Variants in G6PD observed in about 807,000 individuals in gnomAD.
The protein encoded by G6PD is glucose-6-phosphate dehydrogenase.
Under a neutral mutation model 38.2 loss-of-function variants are expected in G6PD, and 2 were observed. The ratio of observed to expected loss-of-function variants is 0.05; its 90% confidence interval spans 0.02 to 0.16. The LOEUF is 0.16. G6PD is among the 10% of genes least tolerant of loss of function. The pLI is 1.00. For missense variants in G6PD, 310 were observed against 471.6 expected, an observed-to-expected ratio of 0.66 and a Z score of 3.17; for synonymous variants, 188 against 196.0, an observed-to-expected ratio of 0.96 and a Z score of 0.34.
At chrX:154,546,646 T>C (rs1391329083) in intron 1 of G6PD, 143 bp downstream of exon 1, 59 of 507,683 alleles carry the variant, frequency 1.2e-4, no homozygotes, top group Non-Finnish European at 5.9e-5. Flanking sequence ...AGAGAGGAGG[T>C]GCGGGGTATA....
At chrX:154,536,982 A>G (rs1248193695) in intron 2 of G6PD, among the ~76,000 whole-genome samples, 1 of 112,814 alleles carries the variant, frequency 8.9e-6, no homozygotes, top group African/African-American at 3.2e-5. Context: ...ACGAATAGAA[A>G]CAGACAACCC....
intron 2 of G6PD, chrX:154,542,220 C>T (rs1334508057): frequency 1.1e-6 from 1 of 913,140 alleles, no homozygotes; most frequent in Non-Finnish European, 1.5e-6. Context: ...TCATCCCTCC[C>T]ACAGGCCCAT....
chrX:154,539,156 G>A (rs1461355014), intron 2 of G6PD, among the ~76,000 whole-genome samples: 2 of 111,548 alleles, frequency 1.8e-5, no homozygotes, highest in Non-Finnish European at 3.8e-5. Context: ...CCTGTGACCT[G>A]GCCGTTCCAC....
At chrX:154,533,226 A>C in intron 8 of G6PD, 98 bp from the exon 9 acceptor site, 5 of 994,230 alleles carry the variant, frequency 5.0e-6, no homozygotes, top group South Asian at 4.0e-5. Flanking sequence ...GGGCAGGAGG[A>C]GGCCCCTGCT....
At chrX:154,545,836 C>CAA (rs781893284) in intron 2 of G6PD, 200 bp downstream of exon 2, 1,434 of 279,569 alleles carry the variant, frequency 5.1e-3, no homozygotes, top group African/African-American at 6.8e-3. Flanking sequence ...ACTCCGTCTC[C>CAA]AAAAAAAAAA....
rs375189502 is a variant in G6PD, at chrX:154,535,212, G to A, written c.441C>T (p.Tyr147=). ...LFYLALPPTV[Y]EAVTKNIHES... is the part of the protein sequence containing the mutation. ...CGTGAATGTTCTTGGTGACGGCCTC[G>A]TAGACGGTCGGGGGCAAGGCCAGGT... Residue 147 remains tyrosine, a synonymous_variant, in exon 5 of 13, where the codon TAC becomes TAT. Coordinates refer to ENST00000393562, the MANE Select transcript of G6PD (RefSeq NM_001360016.2). 5.8e-6 allele frequency: 7 copies of A among 1,211,757 alleles called. No individual in the cohort carries two copies. Among genetic ancestry groups the A allele is most frequent in the South Asian group, 5.3e-5 (3 of 56,980 alleles).
At chrX:154,536,591 T>C (rs1227189070) in intron 2 of G6PD, among the ~76,000 whole-genome samples, 4 of 112,106 alleles carry the variant, frequency 3.6e-5, no homozygotes, top group Non-Finnish European at 7.5e-5. Context: ...TCCCAGCACT[T>C]TGGGAGGCTG....
chrX:154,537,180 CT>C (rs1191286289), intron 2 of G6PD, among the ~76,000 whole-genome samples: 1 of 111,789 alleles, frequency 8.9e-6, no homozygotes, highest in Non-Finnish European at 1.9e-5. Context: ...TGGCGGGTGT[CT>C]GTAGTCCCAG....
rs2070392749 is a variant in G6PD at position 154,535,174 on chromosome X, C to T, written c.479G>A (p.Ser160Asn). The T allele has an allele frequency of 8.3e-7, 1 of 1,210,417 alleles. No individual in the cohort carries two copies. Among genetic ancestry groups the T allele is most frequent in the Non-Finnish European group, 1.1e-6 (1 of 895,009 alleles). The change falls in exon 5 of 13, where the codon AGC becomes AAC. Residue 160 changes from serine (S) to asparagine (N), a missense_variant. Around this residue, in one of 4 missense-constraint regions of G6PD, gnomAD observed 96 missense variants for 93.3 expected, o/e 1.03. Transcript: ENST00000393562. ...VTKNIHESCMSQIGWNRIIVE... is the reference protein window; with the variant it reads ...VTKNIHESCMNQIGWNRIIVE... ...GGGCAACGGCAAGCCTTACATCTGG[C>T]TCATGCAGGACTCGTGAATGTTCTT...
intron 5 of G6PD, 52 bp from the exon 6 acceptor site, chrX:154,534,548 G>A (rs2070384118): frequency 1.7e-6 from 2 of 1,191,504 alleles, no homozygotes; most frequent in African/African-American, 3.5e-5. Context: ...TTCGGGGAGT[G>A]AGGATCAGAG....
chrX:154,532,912 G>C (rs1557229812), intron 9 of G6PD, 30 bp downstream of exon 9: 1 of 1,210,482 alleles, frequency 8.3e-7, no homozygotes, highest in Non-Finnish European at 1.1e-6. Context: ...GCCCAGTTCT[G>C]CCTTGCTGGG....
chrX:154,546,789 C>T lies in G6PD; in HGVS notation c.-9G>A. 8.6e-7 allele frequency: 1 copy of T among 1,162,050 alleles called. No homozygotes were observed. On this transcript the variant is annotated splice_region_variant and 5_prime_UTR_variant, in exon 1 of 13. Transcript: ENST00000393562. Reference sequence around the variant, plus strand: ...GCGCGGCGCCCGCCCGGCCGGTTACCTGCGCTTCGTCGTCGTCGCCCTCCG... The same window carrying T: ...GCGCGGCGCCCGCCCGGCCGGTTACTTGCGCTTCGTCGTCGTCGCCCTCCG...
Position 154,535,267 on chromosome X carries a change from T to G in G6PD, c.386A>C (p.His129Pro), listed in dbSNP as rs782402416. 3.3e-6 allele frequency: 4 copies of G among 1,209,970 alleles called. No individual in the cohort carries two copies. In the African/African-American group the frequency reaches 7.0e-5, roughly 21 times the overall value. The change falls in exon 5 of 13, where the codon CAC becomes CCC. Residue 129 changes from histidine (H) to proline (P), a missense_variant. By Grantham distance (77) the His-to-Pro change is moderately conservative. This residue lies in a region of G6PD where 96 missense variants were observed against 93.3 expected (regional missense o/e 1.03). Coordinates refer to ENST00000393562, the MANE Select transcript of G6PD (RefSeq NM_001360016.2). ...QRLNSHMNAL[H>P]LGSQANRLFY... ...GAGGCGGTTGGCCTGTGACCCCAGG[T>G]GGAGGGCATTCATGTGGCTGTTGAG...
intron 2 of G6PD, chrX:154,542,487 G>A (rs1557232228): frequency 1.7e-6 from 2 of 1,149,220 alleles, no homozygotes; most frequent in Non-Finnish European, 1.2e-6. Flanking sequence ...GTAGGGGTGG[G>A]AGTCCTGAGA....
At chrX:154,542,450 G>A (rs920612647) in intron 2 of G6PD, 6 of 1,177,939 alleles carry the variant, frequency 5.1e-6, no homozygotes, top group Non-Finnish European at 6.8e-6. Flanking sequence ...CTGGAAGGGG[G>A]CAGTAAGTAC....
At chrX:154,545,796 C>A in intron 2 of G6PD, 1 of 358,460 alleles carries the variant, frequency 2.8e-6, no homozygotes, top group South Asian at 3.6e-5. Context: ...GATGGCGCCA[C>A]TGCACCCCAT....
chrX:154,547,488 G>A (rs2070777699), upstream of G6PD: 8 of 755,214 alleles, frequency 1.1e-5, no homozygotes, highest in Non-Finnish European at 1.3e-5. Flanking sequence ...CGGGCCTGCA[G>A]AGCCTGGCGG....
intron 2 of G6PD, among the ~76,000 whole-genome samples, chrX:154,543,488 G>A (rs2070585719): frequency 8.9e-6 from 1 of 112,157 alleles, no homozygotes; most frequent in African/African-American, 3.2e-5. Context: ...TCTCAATGAG[G>A]TGTCTAATAA....
At chrX:154,536,232 A>G (rs782696693) in intron 2 of G6PD, 54 bp from the exon 3 acceptor site, 10 of 1,109,941 alleles carry the variant, frequency 9.0e-6, no homozygotes, top group Admixed American at 4.4e-5. Context: ...CACGACCTAC[A>G]TACATCATCC....
Sources: gnomAD v4.1 joint callset for allele counts (sites outside exome capture counted in the v4.1 genomes callset) on GRCh38, gnomAD v4.1.1 for gene constraint, gnomAD v4.1.1 regional missense constraint, MANE v1.5 for transcripts, NCBI Gene and HGNC (gene_info 2026-07-23, HGNC 2026-07-21) for gene names.